RAD51: variants seen among roughly 807,000 people sequenced by gnomAD.
RAD51 encodes DNA repair protein RAD51 homolog 1.
Under a neutral mutation model 41.5 loss-of-function variants are expected in RAD51, and 14 were observed. That is an observed-to-expected ratio of 0.34 (90% CI 0.22 to 0.53). RAD51 has a LOEUF of 0.53. RAD51 is among the 20% of genes least tolerant of loss of function. RAD51 has a pLI of 0.95. For missense variants in RAD51, 234 were observed against 422.0 expected (o/e 0.55, Z 3.90); for synonymous variants, 136 against 148.6 (o/e 0.92, Z 0.62).
At chr15:40,729,426 A>G in intron 7 of RAD51, 79 bp from the exon 8 acceptor site, 1 of 1,238,514 alleles carries the variant, frequency 8.1e-7, no homozygotes, top group East Asian at 2.6e-5. Flanking sequence ...TATGAATATG[A>G]GATTTTAGGG....
At chr15:40,724,742 C>G (rs1217604137) in intron 6 of RAD51, among the ~76,000 whole-genome samples, 1 of 128,076 alleles carries the variant, frequency 7.8e-6, no homozygotes, top group Admixed American at 9.5e-5. Context: ...TGCTGTGGTG[C>G]GATCTCGGCT....
At chr15:40,700,977 C>T (rs2141818857) in intron 2 of RAD51, 87 bp from the exon 3 acceptor site, 1 of 1,473,108 alleles carries the variant, frequency 6.8e-7, no homozygotes. Context: ...TCTTCAAGCA[C>T]CTCTGTGAAG....
chr15:40,729,814 CTA>C, intron 8 of RAD51, 37 bp from the exon 9 acceptor site: 2 of 1,614,126 alleles, frequency 1.2e-6, no homozygotes, highest in African/African-American at 1.3e-5. Flanking sequence ...TTTGGAGTGT[CTA>C]TGGCCACAAA....
intron 3 of RAD51, among the ~76,000 whole-genome samples, chr15:40,704,700 C>T (rs147515779): frequency 4.1e-5 from 6 of 147,806 alleles, no homozygotes; most frequent in Admixed American, 1.4e-4. Flanking sequence ...GATGGAATCT[C>T]GCTGTGTCTC....
At chr15:40,709,648 T>C (rs751402202) in intron 5 of RAD51, among the ~76,000 whole-genome samples, 4 of 152,182 alleles carry the variant, frequency 2.6e-5, no homozygotes, top group Non-Finnish European at 5.9e-5. Flanking sequence ...GCTGGAATTA[T>C]AGGCGTAAGC....
chr15:40,697,564 G>C (rs886468227), intron 1 of RAD51, among the ~76,000 whole-genome samples: 9 of 145,652 alleles, frequency 6.2e-5, no homozygotes, highest in Admixed American at 4.2e-4. Flanking sequence ...TGAGATACAA[G>C]ATGATATTTC....
At chr15:40,701,597 C>T (rs1894999198) in intron 3 of RAD51, among the ~76,000 whole-genome samples, 1 of 151,688 alleles carries the variant, frequency 6.6e-6, no homozygotes, top group Non-Finnish European at 1.5e-5. Flanking sequence ...TCCCAAAGTG[C>T]TGGATTATAG....
rs751276848 is a variant in RAD51 at position 40,732,059 on chromosome 15, G to A, written c.*881G>A. ...GATTGCACTGCTGCATTCCAGCCAG[G>A]GTGACAGAGTGAGACCATGTTTCAA... is the stretch of plus-strand genomic sequence containing the variant. On this transcript the variant is annotated 3_prime_UTR_variant, in exon 10 of 10. Transcript: ENST00000267868. The A allele has an allele frequency of 1.9e-5, 4 of 209,504 alleles. No individual in the cohort carries two copies. Among genetic ancestry groups the A allele is most frequent in the Non-Finnish European group, 3.9e-5 (4 of 103,250 alleles). The allele number at this position is 209,504 out of a possible 1,614,324, so 13.0% of individuals were successfully genotyped here.
At chr15:40,708,959 A>G (rs1895524314) in intron 4 of RAD51, 66 bp from the exon 5 acceptor site, 7 of 1,358,042 alleles carry the variant, frequency 5.2e-6, no homozygotes, top group Non-Finnish European at 6.3e-6. Flanking sequence ...CTCCAAGAAC[A>G]TTTCTATGAC....
chr15:40,707,861 G>A (rs1272963234), intron 4 of RAD51, among the ~76,000 whole-genome samples: 1 of 151,906 alleles, frequency 6.6e-6, no homozygotes, highest in East Asian at 1.9e-4. Context: ...GCAATGACAG[G>A]CACCCGCCAC....
At chr15:40,725,533 C>T (rs958328547) in intron 6 of RAD51, among the ~76,000 whole-genome samples, 32 of 152,122 alleles carry the variant, frequency 2.1e-4, no homozygotes, top group Admixed American at 2.0e-4. Flanking sequence ...GAATATTAGC[C>T]CACATGCATG....
At chr15:40,702,004 G>A (rs1392217731) in intron 3 of RAD51, 9 of 210,602 alleles carry the variant, frequency 4.3e-5, no homozygotes, top group Admixed American at 2.9e-4. Flanking sequence ...GGATGGTCTC[G>A]ATCTCCTGAC....
At chr15:40,700,926 C>G in intron 2 of RAD51, 138 bp from the exon 3 acceptor site, 2 of 801,094 alleles carry the variant, frequency 2.5e-6, no homozygotes, top group Non-Finnish European at 3.8e-6. Flanking sequence ...CCCATCTCCC[C>G]CCGCCCCCCC....
chr15:40,700,644 G>A (rs1894923118), intron 2 of RAD51, among the ~76,000 whole-genome samples: 1 of 152,054 alleles, frequency 6.6e-6, no homozygotes, highest in African/African-American at 2.4e-5. Context: ...TATTGATTTT[G>A]ATAATGAAAA....
intron 6 of RAD51, among the ~76,000 whole-genome samples, chr15:40,723,843 G>GTTTGT (rs1192230101): frequency 2.6e-5 from 4 of 152,186 alleles, no homozygotes; most frequent in Non-Finnish European, 5.9e-5. Flanking sequence ...CTCGTGAAGA[G>GTTTGT]TTTGTAAGTT....
At chr15:40,707,695 T>C (rs1205975480) in intron 4 of RAD51, among the ~76,000 whole-genome samples, 3 of 152,046 alleles carry the variant, frequency 2.0e-5, no homozygotes, top group South Asian at 2.1e-4. Flanking sequence ...AAATTTCGTA[T>C]GTTTTTTTTT....
chr15:40,722,759 G>A (rs1158947879), intron 6 of RAD51, among the ~76,000 whole-genome samples: 1 of 152,138 alleles, frequency 6.6e-6, no homozygotes, highest in Non-Finnish European at 1.5e-5. Context: ...AGAGAACATG[G>A]GAGAAAATCT....
At chr15:40,712,944 T>A (rs1236551385) in intron 5 of RAD51, among the ~76,000 whole-genome samples, 1 of 147,624 alleles carries the variant, frequency 6.8e-6, no homozygotes, top group Non-Finnish European at 1.5e-5. Context: ...AGTGGTGTGA[T>A]CTTGGCTTGC....
At chr15:40,703,747 A>T (rs1895147099) in intron 3 of RAD51, among the ~76,000 whole-genome samples, 1 of 151,606 alleles carries the variant, frequency 6.6e-6, no homozygotes, top group Admixed American at 6.6e-5. Flanking sequence ...AAAGTTTGTC[A>T]ATTTTGTTGA....
Sources: gnomAD v4.1 joint callset for allele counts (sites outside exome capture counted in the v4.1 genomes callset) on GRCh38, gnomAD v4.1.1 for gene constraint, MANE v1.5 for transcripts, NCBI Gene and HGNC (gene_info 2026-07-23, HGNC 2026-07-21) for gene names.